Variants in FLG observed in about 807,000 individuals in gnomAD.
FLG encodes the protein filaggrin.
A neutral mutation model predicts 3.8 loss-of-function variants in FLG; 6 were observed. The ratio of observed to expected loss-of-function variants is 1.60; its 90% CI spans 0.87 to 3.15. The LOEUF is 3.15. Ranked by LOEUF, FLG falls within the 30% of genes most tolerant of loss-of-function variation. FLG has a pLI of 0.00. For synonymous variants in FLG, 2,551 were observed against 1,931.6 expected, an observed-to-expected ratio of 1.32 and a Z score of -8.41; for missense variants, 7,595 against 5,050.9, an observed-to-expected ratio of 1.50 and a Z score of -15.27.
rs775078417 is a variant in FLG, at chr1:152,306,994, G to T, written c.7892C>A (p.Thr2631Lys). Residue 2631 changes from threonine (T) to lysine (K), a missense_variant, in exon 3 of 3, where the codon ACA (threonine) becomes AAA (lysine). Physicochemically the swap from Thr to Lys is moderately conservative, Grantham distance 78. Coordinates refer to ENST00000368799, the MANE Select transcript of FLG (RefSeq NM_002016.2). Reference sequence around the variant, plus strand: ...AGCCTGTCCACCAGAGGAAGTCTGTGTGTGACGAGTGCCTGATTGTCTGGA... The same window carrying T: ...AGCCTGTCCACCAGAGGAAGTCTGTTTGTGACGAGTGCCTGATTGTCTGGA... ...DSSRQSGTRH[T>K]QTSSGGQAAS... 1 of 1,583,840 alleles carries T rather than the reference G, an allele frequency of 6.3e-7. No individual in the cohort carries two copies. Among genetic ancestry groups the T allele is most frequent in the East Asian group, 2.3e-5 (1 of 44,338 alleles).
intron 1 of FLG, among the ~76,000 whole-genome samples, chr1:152,322,905 A>G (rs1273396143): frequency 6.6e-6 from 1 of 151,450 alleles, no homozygotes; most frequent in Admixed American, 6.6e-5. Flanking sequence ...ATGAAAATGT[A>G]GAGGGCTAAG....
chr1:152,310,277 G>A lies in FLG; in HGVS notation c.4609C>T (p.Pro1537Ser), dbSNP rs751489934. The A allele has an allele frequency of 4.0e-5, 65 of 1,613,344 alleles. 1 individual carries two copies. In the East Asian group the frequency reaches 6.9e-4, roughly 17 times the overall value. Residue 1537 changes from proline (P) to serine (S), a missense_variant, in exon 3 of 3, where the codon CCC becomes TCC. Pro to Ser is a moderately conservative substitution (Grantham distance 74, BLOSUM62 -1). Coordinates refer to ENST00000368799, the MANE Select transcript of FLG (RefSeq NM_002016.2). ...CTTGTTTGCCTGCTTGCACTTCTGGGTCCTGACTGCCCATGGGAGGCATCA... is the reference window on the plus strand; with the variant it reads ...CTTGTTTGCCTGCTTGCACTTCTGGATCCTGACTGCCCATGGGAGGCATCA... ...RSDASHGQSGPRSASRQTRNE... is the reference protein window; with the variant it reads ...RSDASHGQSGSRSASRQTRNE...
In FLG at chr1:152,302,167, A is replaced by T. The variant is rs1651655776; in HGVS notation, c.*533T>A. On this transcript the variant is annotated 3_prime_UTR_variant, in exon 3 of 3. Transcript: ENST00000368799. ...AAGAATACAAGAGACAAACAGTATT[A>T]TATGATGAATAGTTTATTTTTAATT... The T allele has an allele frequency of 1.2e-5, 2 of 163,088 alleles. No individual in the cohort carries two copies. The allele number at this position is 163,088 out of a possible 1,614,324, so 10.1% of individuals were successfully genotyped here. A position where few individuals can be genotyped will look rare whatever the true frequency, so the allele number is the denominator to read the frequency against.
At chr1:152,324,972 A>G (rs1375663787) in intron 1 of FLG, among the ~76,000 whole-genome samples, 4 of 151,924 alleles carry the variant, frequency 2.6e-5, no homozygotes, top group Non-Finnish European at 5.9e-5. Context: ...GAATAAATGG[A>G]CAATCTAACA....
At chr1:152,317,805 T>A (rs1469758326) in intron 1 of FLG, among the ~76,000 whole-genome samples, 1 of 152,056 alleles carries the variant, frequency 6.6e-6, no homozygotes. Context: ...ATCTTAAATC[T>A]ATTATGTTCA....
chr1:152,303,182 G>A lies in FLG; in HGVS notation c.11704C>T (p.Pro3902Ser). 2 of 1,614,064 alleles carry A rather than the reference G, an allele frequency of 1.2e-6. No individual in the cohort carries two copies. The highest frequency in any genetic ancestry group is 1.7e-6 in the Non-Finnish European group (2 of 1,180,030). Residue 3902 changes from proline to serine, a missense_variant, in exon 3 of 3, where the codon CCC (proline) becomes TCC (serine). By Grantham distance (74) the Pro-to-Ser change is moderately conservative. Transcript: ENST00000368799. ...REQSRDGSRHPGSSHRDTASH... is the reference protein window; with the variant it reads ...REQSRDGSRHSGSSHRDTASH... ...GCTGTATCGCGGTGAGAGGATCCGG[G>A]GTGTCTGGAGCCATCTCTTGACTGC... is the stretch of plus-strand genomic sequence containing the variant.
At position 152,303,139 on chromosome 1, in the gene FLG, G is replaced by A. The variant is rs746079858; in HGVS notation, c.11747C>T (p.Ser3916Leu). 1.1e-5 allele frequency: 17 copies of A among 1,614,080 alleles called. No homozygotes were observed. The South Asian group carries it at 1.5e-4, about 15-fold the overall frequency. ...HRDTASHVQS[S>L]PVQSDSSTAK... Reference sequence around the variant, plus strand: ...GGTACTAGAGTCTGACTGTACAGGTGAAGACTGTACATGACTGGCTGTATC... The same window carrying A: ...GGTACTAGAGTCTGACTGTACAGGTAAAGACTGTACATGACTGGCTGTATC... The change falls in exon 3 of 3, where the codon TCA becomes TTA. Residue 3916 changes from serine to leucine, a missense_variant. Transcript: ENST00000368799.
intron 1 of FLG, among the ~76,000 whole-genome samples, chr1:152,319,111 T>G (rs1276409612): frequency 6.6e-6 from 1 of 151,614 alleles, no homozygotes; most frequent in Non-Finnish European, 1.5e-5. Flanking sequence ...GCAGGAGTAA[T>G]ACAACATAAA....
At chr1:152,324,253 C>T (rs1653074665) in intron 1 of FLG, among the ~76,000 whole-genome samples, 1 of 151,950 alleles carries the variant, frequency 6.6e-6, no homozygotes, top group East Asian at 1.9e-4. Flanking sequence ...TTATCTTACT[C>T]CTCCTGCTTA....
rs759821629 is a variant in FLG at position 152,313,143 on chromosome 1, G to T, written c.1743C>A (p.Thr581=). ...CATGATGACGTGACCCTGAGTGCCT[G>T]GTGCCGTCTCCTGATTGTTCCTCAT... ...TRNEEQSGDG[T]RHSGSRHHEA... Residue 581 remains threonine, a synonymous_variant, in exon 3 of 3, where the codon ACC becomes ACA. Transcript: ENST00000368799. 6.2e-7 allele frequency: 1 copy of T among 1,613,788 alleles called. No individual in the cohort carries two copies. The highest frequency in any genetic ancestry group is 8.5e-7 in the Non-Finnish European group (1 of 1,179,992).
At chr1:152,315,241 G>C in intron 2 of FLG, 78 bp downstream of exon 2, 1 of 1,332,772 alleles carries the variant, frequency 7.5e-7, no homozygotes, top group East Asian at 2.3e-5. Context: ...AGTTCACAAA[G>C]AGCTCAAAAT....
In FLG at chr1:152,310,082, C is replaced by A; in HGVS notation, c.4804G>T (p.Gly1602Ter). ...CGCCTCTCAGAGTCTTCTGAGTGTCCCTCACTGTCCCTGTCCTGACTAACA... is the reference window on the plus strand; with the variant it reads ...CGCCTCTCAGAGTCTTCTGAGTGTCACTCACTGTCCCTGTCCTGACTAACA... ...SSVSQDRDSE[G>*]HSEDSERRSE... Residue 1602 changes from glycine (G) to a stop codon, truncating the protein, a stop_gained, in exon 3 of 3, where the codon GGA becomes TGA. Transcript: ENST00000368799. LOFTEE classifies it low-confidence loss of function (END_TRUNC). 6.2e-7 allele frequency: 1 copy of A among 1,613,896 alleles called. No homozygotes were observed. The highest frequency in any genetic ancestry group is 8.5e-7 in the Non-Finnish European group (1 of 1,179,980).
In FLG at chr1:152,312,195, A is replaced by G. The variant is rs778015677; in HGVS notation, c.2691T>C (p.Arg897=). 5.0e-6 allele frequency: 8 copies of G among 1,611,690 alleles called. No homozygotes were observed. The highest frequency in any genetic ancestry group is 6.8e-6 in the Non-Finnish European group (8 of 1,179,732). Residue 897 remains arginine, a synonymous_variant, in exon 3 of 3, where the codon CGT becomes CGC. Coordinates refer to ENST00000368799, the MANE Select transcript of FLG (RefSeq NM_002016.2). ...AGCCGTCTCTTGATTGTTCCTCATT[A>G]CGTGTTGTTCTGCTTGCACTTCTGG... ...SGSRSASRTT[R]NEEQSRDGSR...
Position 152,305,508 on chromosome 1 carries a change from G to A in FLG, c.9378C>T (p.His3126=), listed in dbSNP as rs758243817. 1.9e-5 allele frequency: 29 copies of A among 1,562,948 alleles called. No homozygotes were observed. Among genetic ancestry groups the A allele is most frequent in the South Asian group, 5.8e-5 (5 of 86,590 alleles). Residue 3126 remains histidine, a synonymous_variant, in exon 3 of 3, where the codon CAC becomes CAT. Transcript: ENST00000368799. Reference sequence around the variant, plus strand: ...GTCCAGAGCTATCTACCGAATGCTCGTGGTGGTACCCCTGCCTTCCTCCTC... The same window carrying A: ...GTCCAGAGCTATCTACCGAATGCTCATGGTGGTACCCCTGCCTTCCTCCTC... ...SSRGGRQGYH[H]EHSVDSSGHS... is the part of the protein sequence containing the mutation.
rs376251735 is a variant in FLG, at chr1:152,312,327, C to G, written c.2559G>C (p.Gln853His). 2.2e-5 allele frequency: 35 copies of G among 1,613,176 alleles called. No homozygotes were observed. Among genetic ancestry groups the G allele is most frequent in the Non-Finnish European group, 3.0e-5 (35 of 1,179,808 alleles). Residue 853 changes from glutamine (Q) to histidine (H), a missense_variant, in exon 3 of 3, where the codon CAG becomes CAC. By Grantham distance (24) the Gln-to-His change is conservative. Coordinates refer to ENST00000368799, the MANE Select transcript of FLG (RefSeq NM_002016.2). The stretch of plus-strand genomic sequence containing the variant: ...CTACCGATTGCTCGTGGTGGGACCC[C>G]TGCCTTCCTCTTCTGCTTGACCCCG... ...GHPGSSRRGR[Q>H]GSHHEQSVDR...
In FLG at chr1:152,314,020, G is replaced by T. The variant is rs766088521; in HGVS notation, c.866C>A (p.Thr289Lys). 45 of 1,614,002 alleles carry T rather than the reference G, an allele frequency of 2.8e-5. No individual in the cohort carries two copies. The highest frequency in any genetic ancestry group is 6.8e-6 in the Non-Finnish European group (8 of 1,180,022). The change falls in exon 3 of 3, where the codon ACA becomes AAA. Residue 289 changes from threonine to lysine, a missense_variant. Thr to Lys is a moderately conservative substitution (Grantham distance 78). Transcript: ENST00000368799. ...TSQVPLQESRTRKRRGSRVSQ... is the reference protein window; with the variant it reads ...TSQVPLQESRKRKRRGSRVSQ... ...AACTCTGGATCCCCTACGCTTTCTTGTCCTGGACTCCTGCAATGGTACCTG... is the reference window on the plus strand; with the variant it reads ...AACTCTGGATCCCCTACGCTTTCTTTTCCTGGACTCCTGCAATGGTACCTG...
At position 152,310,644 on chromosome 1, in the gene FLG, T is replaced by C; in HGVS notation, c.4242A>G (p.Gly1414=). 1 of 1,614,066 alleles carries C rather than the reference T, an allele frequency of 6.2e-7. No individual in the cohort carries two copies. ...GGCTCTGCTGATGGGGCCCAGCTTGTCCGTGGGCTGACACTGACTGTGTGT... is the reference window on the plus strand; with the variant it reads ...GGCTCTGCTGATGGGGCCCAGCTTGCCCGTGGGCTGACACTGACTGTGTGT... The part of the protein sequence containing the change: ...DSDTQSVSAH[G]QAGPHQQSHK... Residue 1414 remains glycine, a synonymous_variant, in exon 3 of 3, where the codon GGA becomes GGG. Coordinates refer to ENST00000368799, the MANE Select transcript of FLG (RefSeq NM_002016.2).
Position 152,312,037 on chromosome 1 carries a change from C to G in FLG, c.2849G>C (p.Ser950Thr), listed in dbSNP as rs757300232. The G allele has an allele frequency of 1.2e-6, 2 of 1,614,034 alleles. No homozygotes were observed. Among genetic ancestry groups the G allele is most frequent in the African/African-American group, 2.7e-5 (2 of 74,924 alleles). ...RRQGSSVSQD[S>T]DSEGHSEDSE... ...GTCTTCTGAATGTCCCTCACTGTCA[C>G]TGTCCTGGCTAACACTGGATCCCTG... Residue 950 changes from serine (S) to threonine (T), a missense_variant, in exon 3 of 3, where the codon AGT (serine) becomes ACT (threonine). Coordinates refer to ENST00000368799, the MANE Select transcript of FLG (RefSeq NM_002016.2).
Position 152,309,175 on chromosome 1 carries a change from T to A in FLG, c.5711A>T (p.Gln1904Leu). 1 of 1,613,680 alleles carries A rather than the reference T, an allele frequency of 6.2e-7. No individual in the cohort carries two copies. Among genetic ancestry groups the A allele is most frequent in the Non-Finnish European group, 8.5e-7 (1 of 1,179,878 alleles). Residue 1904 changes from glutamine (Q) to leucine (L), a missense_variant, in exon 3 of 3, where the codon CAA (glutamine) becomes CTA (leucine). Gln to Leu is a moderately radical substitution (Grantham distance 113). Coordinates refer to ENST00000368799, the MANE Select transcript of FLG (RefSeq NM_002016.2). Reference sequence around the variant, plus strand: ...CCTGCTTGTCCTGGGCCCTGATGATTGTCCCTGGCCCACCTGCGAGTGTCT... The same window carrying A: ...CCTGCTTGTCCTGGGCCCTGATGATAGTCCCTGGCCCACCTGCGAGTGTCT... The part of the protein sequence containing the change: ...SSRHSQVGQG[Q>L]SSGPRTSRNQ...
Sources: gnomAD v4.1 joint callset for allele counts (sites outside exome capture counted in the v4.1 genomes callset) on GRCh38, gnomAD v4.1.1 for gene constraint, MANE v1.5 for transcripts, NCBI Gene and HGNC (gene_info 2026-07-23, HGNC 2026-07-21) for gene names.